CHIC2: variants seen among roughly 807,000 people sequenced by gnomAD.
CHIC2 encodes the protein cysteine-rich hydrophobic domain-containing protein 2.
In CHIC2, 14 loss-of-function variants were observed where a neutral mutation model predicts 25.9. The ratio of observed to expected loss-of-function variants is 0.54; its 90% confidence interval spans 0.36 to 0.85. The LOEUF (loss-of-function observed/expected upper bound fraction) is 0.85, where lower values mean the gene tolerates loss of function less well. CHIC2 is among the 40% of genes least tolerant of loss of function. The probability of loss-of-function intolerance (pLI) is 0.01; values close to 1 mark genes in which losing one functional copy is unlikely to be tolerated. For missense variants in CHIC2, 146 were observed against 202.0 expected, an observed-to-expected ratio of 0.72 and a Z score of 1.68; for synonymous variants, 70 against 72.0, an observed-to-expected ratio of 0.97 and a Z score of 0.14.
chr4:54,047,667 G>T (rs1220741375), intron 3 of CHIC2, among the ~76,000 whole-genome samples: 2 of 120,256 alleles, frequency 1.7e-5, no homozygotes, highest in African/African-American at 3.1e-5. Flanking sequence ...GGGGAGGGGG[G>T]AGGGATAGCA....
At chr4:54,027,201 T>C (rs1327358370) in intron 3 of CHIC2, among the ~76,000 whole-genome samples, 2 of 152,170 alleles carry the variant, frequency 1.3e-5, no homozygotes, top group Non-Finnish European at 2.9e-5. Flanking sequence ...TCACAGAAGA[T>C]AGGTGCAAAT....
Position 54,064,332 on chromosome 4 carries a change from C to T in CHIC2, c.-32G>A. The T allele has an allele frequency of 6.2e-7, 1 of 1,612,070 alleles. No individual in the cohort carries two copies. The highest frequency in any genetic ancestry group is 2.2e-5 in the East Asian group (1 of 44,754). On this transcript the variant is annotated 5_prime_UTR_variant, in exon 1 of 6. Transcript: ENST00000263921. The surrounding 1 kb of genome is among the most constrained non-coding windows in gnomAD (Gnocchi z 4.2). ...CCTCCGAGCTCCCCTGCCCAAAGGGCCTGACTCCCGGGGTTGGCGCCGGGG... is the reference window on the plus strand; with the variant it reads ...CCTCCGAGCTCCCCTGCCCAAAGGGTCTGACTCCCGGGGTTGGCGCCGGGG...
In CHIC2 at chr4:54,064,446, C is replaced by G; in HGVS notation, c.-146G>C. ...GAGTTCGCTGTCGGCTGTCTCGGCT[C>G]CGGCTACAGAGGGGATGGGGTCTGG... is the stretch of plus-strand genomic sequence containing the variant. On this transcript the variant is annotated 5_prime_UTR_variant, in exon 1 of 6. Coordinates refer to ENST00000263921, the MANE Select transcript of CHIC2 (RefSeq NM_012110.4). The surrounding 1 kb of genome is among the most constrained non-coding windows in gnomAD (Gnocchi z 4.2). The G allele has an allele frequency of 6.7e-7, 1 of 1,502,268 alleles. No individual in the cohort carries two copies. Among genetic ancestry groups the G allele is most frequent in the Non-Finnish European group, 8.8e-7 (1 of 1,130,826 alleles). The allele number at this position is 1,502,268 out of a possible 1,614,324, so 93.1% of individuals were successfully genotyped here.
intron 3 of CHIC2, among the ~76,000 whole-genome samples, chr4:54,014,335 C>CT (rs899939656): frequency 2.6e-5 from 4 of 152,030 alleles, no homozygotes; most frequent in Admixed American, 6.6e-5. Flanking sequence ...TCATACGAAT[C>CT]TTTTTTTACT....
At position 54,036,897 on chromosome 4, in the gene CHIC2, G is replaced by T. The variant is rs139633741; in HGVS notation, c.330+12058C>A. 6.1e-3 allele frequency among the ~76,000 whole-genome samples: 902 copies of T among 148,864 alleles called. 10 individuals are homozygous for T. Among genetic ancestry groups the T allele is most frequent in the African/African-American group, 0.02 (811 of 40,626 alleles). ...AAAAAAAAGTGTATGTCCCCAAAAA[G>T]ACCTGAACAAGAATATTCACAGCAG... On this transcript the variant is annotated intron_variant, in intron 3 of 5. Transcript: ENST00000263921.
chr4:54,035,965 T>C (rs1485918036), intron 3 of CHIC2, among the ~76,000 whole-genome samples: 2 of 152,342 alleles, frequency 1.3e-5, no homozygotes, highest in South Asian at 2.1e-4. Flanking sequence ...ATGAGTTATT[T>C]AGAAGCATTT....
the CHIC2 span, among the ~76,000 whole-genome samples, chr4:54,080,084 C>T: frequency 6.7e-6 from 1 of 150,272 alleles, no homozygotes; most frequent in Non-Finnish European, 1.5e-5. Context: ...CTTAAGTATT[C>T]ATCCACAGTT....
intron 1 of CHIC2, chr4:54,060,491 C>T (rs1031944678): frequency 2.0e-5 from 3 of 152,088 alleles, no homozygotes; most frequent in African/African-American, 4.8e-5. Flanking sequence ...TATACATACT[C>T]TAGGAAAGCC....
chr4:54,091,520 A>G, the CHIC2 span, among the ~76,000 whole-genome samples: 1 of 152,088 alleles, frequency 6.6e-6, no homozygotes, highest in East Asian at 1.9e-4. Context: ...ACACACACCC[A>G]TGCTCCCAAA....
intron 3 of CHIC2, among the ~76,000 whole-genome samples, chr4:54,047,951 A>G (rs1716887329): frequency 6.6e-6 from 1 of 152,150 alleles, no homozygotes; most frequent in South Asian, 2.1e-4. Flanking sequence ...CATTCAATCT[A>G]TAATAATTTG....
In CHIC2 at chr4:54,055,134, A is replaced by AAT. The variant is rs1303873921; in HGVS notation, c.120-5831_120-5830dup. Among the ~76,000 whole-genome samples, 4 of 152,058 alleles carry AAT rather than the reference A, an allele frequency of 2.6e-5. No individual in the cohort carries two copies. In the East Asian group the frequency reaches 7.7e-4, roughly 29 times the overall value. ...AAGGTGGAGACAGGGGGAAGAAAAA[A>AAT]ATATATATATATTTTTTGTAATTTA... On this transcript the variant is annotated intron_variant, in intron 1 of 5. Coordinates refer to ENST00000263921, the MANE Select transcript of CHIC2 (RefSeq NM_012110.4).
the CHIC2 span, among the ~76,000 whole-genome samples, chr4:54,081,410 A>G: frequency 6.6e-6 from 1 of 151,972 alleles, no homozygotes; most frequent in Admixed American, 6.6e-5. Context: ...AGTGTCTGGC[A>G]TGGCAGACAC....
upstream of CHIC2, among the ~76,000 whole-genome samples, chr4:54,064,909 A>C (rs1263869313): frequency 6.6e-6 from 1 of 152,214 alleles, no homozygotes. This position sits in a 1 kb window ranked among gnomAD's most constrained non-coding sequence, Gnocchi z 4.2. Context: ...CGACTCCGAC[A>C]ACGCAGCTTG....
At chr4:54,044,293 A>C (rs2110081034) in intron 3 of CHIC2, among the ~76,000 whole-genome samples, 1 of 152,332 alleles carries the variant, frequency 6.6e-6, no homozygotes, top group Admixed American at 6.5e-5. Flanking sequence ...GCTCTGCACC[A>C]AGCAGACCTA....
upstream of CHIC2, among the ~76,000 whole-genome samples, chr4:54,065,057 C>G (rs1577992643): frequency 6.6e-6 from 1 of 152,350 alleles, no homozygotes; most frequent in Admixed American, 6.5e-5. Context: ...TCTCGCTTTT[C>G]CTCAGGTTTT....
intron 3 of CHIC2, among the ~76,000 whole-genome samples, chr4:54,027,942 A>G (rs1716112110): frequency 6.6e-6 from 1 of 152,210 alleles, no homozygotes; most frequent in South Asian, 2.1e-4. Flanking sequence ...AGCAAAGGCA[A>G]TATATCAACT....
intron 3 of CHIC2, among the ~76,000 whole-genome samples, chr4:54,044,938 T>C (rs928544809): frequency 2.0e-5 from 3 of 151,802 alleles, no homozygotes; most frequent in Non-Finnish European, 2.9e-5. Flanking sequence ...AAGAATCAAA[T>C]AGATGCAATA....
chr4:54,013,955 A>G, intron 4 of CHIC2, 59 bp from the exon 5 acceptor site: 1 of 1,597,222 alleles, frequency 6.3e-7, no homozygotes, highest in Admixed American at 1.7e-5. Context: ...CAGCACACAG[A>G]CTAACCCATT....
In CHIC2 at chr4:54,064,097, G is replaced by T; in HGVS notation, c.119+85C>A. ...TTTCGGAAGGCCCCCGACACCAGAC[G>T]GACACAGGGGAAACGGGGCTCCCGT... is the stretch of plus-strand genomic sequence containing the variant. On this transcript the variant is annotated intron_variant, in intron 1 of 5. Coordinates refer to ENST00000263921, the MANE Select transcript of CHIC2 (RefSeq NM_012110.4). This position sits in a 1 kb window ranked among gnomAD's most constrained non-coding sequence, Gnocchi z 4.2. 1 of 1,182,702 alleles carries T rather than the reference G, an allele frequency of 8.5e-7. No individual in the cohort carries two copies. Among genetic ancestry groups the T allele is most frequent in the Non-Finnish European group, 1.2e-6 (1 of 832,482 alleles). 73.3% of individuals were successfully genotyped at this position (1,182,702 alleles called of 1,614,324 possible).
Sources: allele counts gnomAD v4.1 joint callset (sites outside exome capture counted in the v4.1 genomes callset), GRCh38; gene constraint gnomAD v4.1.1; non-coding constraint Gnocchi (gnomAD v3.1); transcripts MANE v1.5; gene names NCBI Gene and HGNC (gene_info 2026-07-23, HGNC 2026-07-21).